DLGAP2: variants seen among roughly 807,000 people sequenced by gnomAD.
DLGAP2 encodes disks large-associated protein 2.
DLGAP2 carries 26 observed loss-of-function variants against 100.3 expected under a neutral mutation model. The ratio of observed to expected loss-of-function variants is 0.26; its 90% confidence interval spans 0.19 to 0.36. The LOEUF (loss-of-function observed/expected upper bound fraction) is 0.36, where lower values mean the gene tolerates loss of function less well. Among genes scored for constraint, DLGAP2 ranks in the 10% least tolerant of loss-of-function variants. DLGAP2 has a pLI of 1.00. For missense variants in DLGAP2, 1,858 were observed against 1,453.2 expected (o/e 1.28, Z -4.53); for synonymous variants, 886 against 630.1 (o/e 1.41, Z -6.08).
chr8:1,646,182 C>T (rs377502610), intron 8 of DLGAP2, among the ~76,000 whole-genome samples: 21 of 152,104 alleles, frequency 1.4e-4, no homozygotes, highest in African/African-American at 4.6e-4. Flanking sequence ...GGGCCACGTC[C>T]TATCTAGTGG....
intron 1 of DLGAP2, among the ~76,000 whole-genome samples, chr8:855,343 G>A (rs1227561552): frequency 1.3e-5 from 2 of 152,122 alleles, no homozygotes; most frequent in Non-Finnish European, 2.9e-5. Context: ...GTACGGTCAG[G>A]AGCGTTCTCT....
intron 2 of DLGAP2, among the ~76,000 whole-genome samples, chr8:1,162,217 G>C (rs1796906994): frequency 6.6e-6 from 1 of 152,210 alleles, no homozygotes; most frequent in South Asian, 2.1e-4. Flanking sequence ...CATCCATTTT[G>C]AATGGAGAGT....
At chr8:1,425,230 C>A (rs1797205634) in intron 3 of DLGAP2, among the ~76,000 whole-genome samples, 1 of 152,154 alleles carries the variant, frequency 6.6e-6, no homozygotes, top group Non-Finnish European at 1.5e-5. Context: ...TAACTCGTTT[C>A]AATGATAGTG....
At chr8:1,126,179 T>A (rs1796159391) in intron 2 of DLGAP2, among the ~76,000 whole-genome samples, 1 of 152,222 alleles carries the variant, frequency 6.6e-6, no homozygotes, top group Non-Finnish European at 1.5e-5. Flanking sequence ...GGCCACCTGC[T>A]CCACCTGCGA....
chr8:1,628,385 T>G (rs540440338), intron 7 of DLGAP2, among the ~76,000 whole-genome samples: 1,639 of 137,760 alleles, frequency 0.012, 16 homozygotes, highest in Middle Eastern at 0.07. Context: ...TCACATTCTC[T>G]CTGACTTACT....
intron 2 of DLGAP2, among the ~76,000 whole-genome samples, chr8:1,174,725 T>C (rs1797217019): frequency 6.6e-6 from 1 of 152,038 alleles, no homozygotes; most frequent in South Asian, 2.1e-4. Flanking sequence ...ACCACCATCA[T>C]TACCATGACC....
chr8:790,558 C>G (rs971164823), intron 1 of DLGAP2, among the ~76,000 whole-genome samples: 2 of 152,136 alleles, frequency 1.3e-5, no homozygotes, highest in Non-Finnish European at 2.9e-5. Flanking sequence ...GTTGGCTTAG[C>G]TGGTAGATGT....
chr8:1,485,481 TG>T (rs1374182702), intron 3 of DLGAP2, among the ~76,000 whole-genome samples: 1 of 152,258 alleles, frequency 6.6e-6, no homozygotes, highest in African/African-American at 2.4e-5. Flanking sequence ...ATGTAAGTAA[TG>T]GACTCGCTGG....
chr8:834,901 T>C (rs1279988297), intron 1 of DLGAP2, among the ~76,000 whole-genome samples: 2 of 152,198 alleles, frequency 1.3e-5, no homozygotes, highest in African/African-American at 4.8e-5. Context: ...ACAAACTTTC[T>C]AGAATGAGAC....
chr8:1,188,303 C>T (rs111991905), intron 2 of DLGAP2, among the ~76,000 whole-genome samples: 24 of 123,678 alleles, frequency 1.9e-4, no homozygotes, highest in African/African-American at 8.4e-4. Context: ...GAATCTCACA[C>T]GCCCGGGACT....
chr8:1,185,015 C>G (rs1797469141), intron 2 of DLGAP2, among the ~76,000 whole-genome samples: 1 of 151,980 alleles, frequency 6.6e-6, no homozygotes, highest in Non-Finnish European at 1.5e-5. Flanking sequence ...GTTGAAGGGT[C>G]TGACCCGGGG....
intron 3 of DLGAP2, among the ~76,000 whole-genome samples, chr8:1,317,331 C>T (rs1373706450): frequency 1.5e-5 from 2 of 130,610 alleles, no homozygotes; most frequent in African/African-American, 2.9e-5. Context: ...GCGAGTGCAG[C>T]GTCTCTCCAA....
intron 3 of DLGAP2, among the ~76,000 whole-genome samples, chr8:1,481,471 C>CTTT (rs1165790168): frequency 0.029 from 1,248 of 43,640 alleles, 51 homozygotes; most frequent in Middle Eastern, 0.037. Flanking sequence ...TTTTCTTTTT[C>CTTT]TTTTTTTTTT....
intron 2 of DLGAP2, among the ~76,000 whole-genome samples, chr8:928,546 A>G (rs1798869864): frequency 6.6e-6 from 1 of 152,022 alleles, no homozygotes; most frequent in Non-Finnish European, 1.5e-5. Context: ...GGTACTTGAC[A>G]CCTTGCAAAG....
intron 1 of DLGAP2, among the ~76,000 whole-genome samples, chr8:818,341 T>C (rs538282573): frequency 1.3e-5 from 2 of 152,258 alleles, no homozygotes; most frequent in East Asian, 3.9e-4. Flanking sequence ...TAAAGGTTGG[T>C]CTAACTCCCA....
At chr8:1,379,438 A>G (rs1031789395) in intron 3 of DLGAP2, among the ~76,000 whole-genome samples, 1 of 152,216 alleles carries the variant, frequency 6.6e-6, no homozygotes, top group East Asian at 1.9e-4. Context: ...CCTCAGACCA[A>G]GGCAGCCTCC....
intron 3 of DLGAP2, among the ~76,000 whole-genome samples, chr8:1,324,194 T>C (rs1800969944): frequency 3.3e-5 from 5 of 152,200 alleles, no homozygotes; most frequent in Admixed American, 3.3e-4. Context: ...TCAAACATGA[T>C]TCAGTCTTTC....
intron 1 of DLGAP2, among the ~76,000 whole-genome samples, chr8:868,797 C>A (rs1040767036): frequency 2.6e-5 from 4 of 152,140 alleles, no homozygotes; most frequent in African/African-American, 9.7e-5. Flanking sequence ...CTGAGGCCAC[C>A]GCACCTCCGG....
At chr8:1,352,220 TGCGG>T (rs1801749371) in intron 3 of DLGAP2, among the ~76,000 whole-genome samples, 1 of 109,814 alleles carries the variant, frequency 9.1e-6, no homozygotes, top group Non-Finnish European at 2.0e-5. Flanking sequence ...GGAAAGGCCG[TGCGG>T]GTCCTGACTG....
Sources: gnomAD v4.1 joint callset for allele counts (sites outside exome capture counted in the v4.1 genomes callset) on GRCh38, gnomAD v4.1.1 for gene constraint, MANE v1.5 for transcripts, NCBI Gene and HGNC (gene_info 2026-07-23, HGNC 2026-07-21) for gene names.